MYO16: variants seen among roughly 807,000 people sequenced by gnomAD.
MYO16 encodes the protein myosin XVI.
In MYO16, 94 loss-of-function variants were observed where a neutral mutation model predicts 205.3. The ratio of observed to expected loss-of-function variants is 0.46; its 90% CI spans 0.39 to 0.54. MYO16 has a LOEUF of 0.54. Among genes scored for constraint, MYO16 ranks in the 20% least tolerant of loss-of-function variants. The probability of loss-of-function intolerance (pLI) is 0.00; values close to 1 mark genes in which losing one functional copy is unlikely to be tolerated. For missense variants in MYO16, 2,315 were observed against 2,387.5 expected, an observed-to-expected ratio of 0.97 and a Z score of 0.63; for synonymous variants, 988 against 954.0, an observed-to-expected ratio of 1.04 and a Z score of -0.66.
chr13:108,624,455 C>A (rs1879657051), intron 1 of MYO16, among the ~76,000 whole-genome samples: 1 of 152,128 alleles, frequency 6.6e-6, no homozygotes, highest in Non-Finnish European at 1.5e-5. Context: ...TGCACATAAA[C>A]CTAGGTAGAG....
intron 28 of MYO16, among the ~76,000 whole-genome samples, chr13:109,102,789 A>T (rs1203438912): frequency 6.6e-6 from 1 of 152,172 alleles, no homozygotes; most frequent in Non-Finnish European, 1.5e-5. Context: ...GGATAGCATT[A>T]AATTGAAACA....
At chr13:109,100,471 G>C (rs1248222378) in intron 27 of MYO16, among the ~76,000 whole-genome samples, 3 of 152,158 alleles carry the variant, frequency 2.0e-5, no homozygotes, top group Non-Finnish European at 4.4e-5. Flanking sequence ...TTTAAAAATG[G>C]CTACTGGATT....
At position 108,700,349 on chromosome 13, in the gene MYO16, AAG is replaced by A. The variant is rs1447384876; in HGVS notation, c.293-12310_293-12309del. ...CTCTGTCTCAAAAAAAAAAAAAAAAAAGAAGAAGAAGAAGAAGAAGAAGGATT... is the reference window on the plus strand; with the variant it reads ...CTCTGTCTCAAAAAAAAAAAAAAAAAAAGAAGAAGAAGAAGAAGAAGGATT... On this transcript the variant is annotated intron_variant, in intron 2 of 34. Coordinates refer to ENST00000457511, the MANE Select transcript of MYO16 (RefSeq NM_001198950.3). Among the ~76,000 whole-genome samples, 8 of 110,998 alleles carry A rather than the reference AAG, an allele frequency of 7.2e-5. No homozygotes were observed. The South Asian group carries it at 1.3e-3, about 17-fold the overall frequency. The allele number at this position is 110,998 out of a possible 152,430, so 72.8% of individuals were successfully genotyped here.
intron 16 of MYO16, 54 bp from the exon 17 acceptor site, chr13:108,957,634 C>A: frequency 7.9e-7 from 1 of 1,273,710 alleles, no homozygotes. Flanking sequence ...CTTTTAACCA[C>A]AGAAGTCTGA....
chr13:108,796,065 A>G (rs897995299), intron 6 of MYO16, among the ~76,000 whole-genome samples: 12 of 152,336 alleles, frequency 7.9e-5, no homozygotes, highest in African/African-American at 2.4e-4. Context: ...CATATGGCTG[A>G]AGCAGTGTCA....
At chr13:109,027,810 A>C (rs1204509566) in intron 23 of MYO16, among the ~76,000 whole-genome samples, 1 of 152,204 alleles carries the variant, frequency 6.6e-6, no homozygotes, top group African/African-American at 2.4e-5. Flanking sequence ...TCTTCAGTGC[A>C]GGAATACAAC....
chr13:108,765,324 AT>A (rs1885744370), intron 4 of MYO16, among the ~76,000 whole-genome samples: 1 of 152,164 alleles, frequency 6.6e-6, no homozygotes, highest in African/African-American at 2.4e-5. Flanking sequence ...TTCTAATGAT[AT>A]TACACTATTC....
the MYO16 span, among the ~76,000 whole-genome samples, chr13:108,549,165 A>G: frequency 1.3e-5 from 2 of 152,194 alleles, no homozygotes; most frequent in African/African-American, 4.8e-5. Context: ...ATTACTTCAC[A>G]TTGCAAAGGT....
chr13:108,553,077 G>A, the MYO16 span, among the ~76,000 whole-genome samples: 1 of 120,962 alleles, frequency 8.3e-6, no homozygotes, highest in Non-Finnish European at 1.6e-5. Flanking sequence ...GGAGTGCAGT[G>A]GCCCAATGTC....
rs145805769 is a variant in MYO16, at chr13:108,932,866, G to C, written c.1925+22716G>C. 3.8e-3 allele frequency among the ~76,000 whole-genome samples: 578 copies of C among 152,230 alleles called. 5 individuals carry two copies. The highest frequency in any genetic ancestry group is 0.012 in the African/African-American group (508 of 41,540). ...AGTTCCCACAGACACTGAGAATCAG[G>C]TGGCAGTCTGTGGGGGGCCCATGGA... On this transcript the variant is annotated intron_variant, in intron 16 of 34. Coordinates refer to ENST00000457511, the MANE Select transcript of MYO16 (RefSeq NM_001198950.3).
chr13:109,040,315 A>G (rs192480748), intron 23 of MYO16, among the ~76,000 whole-genome samples: 35 of 151,654 alleles, frequency 2.3e-4, no homozygotes, highest in Admixed American at 2.0e-3. Context: ...AATTCATTTG[A>G]TAAAGCAAGT....
rs571581385 is a variant in MYO16, at chr13:108,665,443, C to T, written c.29-443C>T. On this transcript the variant is annotated intron_variant, in intron 1 of 34. Coordinates refer to ENST00000457511, the MANE Select transcript of MYO16 (RefSeq NM_001198950.3). The stretch of plus-strand genomic sequence containing the variant: ...ATATTCTATTACCTTAAATTAACAG[C>T]GTCATGATTAGTCATCATGATACGC... 1.8e-4 allele frequency among the ~76,000 whole-genome samples: 27 copies of T among 152,094 alleles called. No homozygotes were observed. In the South Asian group the frequency reaches 5.0e-3, roughly 28 times the overall value.
At chr13:109,126,377 G>A (rs1182319430) in intron 30 of MYO16, among the ~76,000 whole-genome samples, 1 of 152,182 alleles carries the variant, frequency 6.6e-6, no homozygotes, top group African/African-American at 2.4e-5. Context: ...CCCTGTTGGT[G>A]TTCTGCCACA....
intron 1 of MYO16, among the ~76,000 whole-genome samples, chr13:108,636,094 T>G (rs1414575115): frequency 1.3e-5 from 2 of 152,062 alleles, no homozygotes; most frequent in South Asian, 4.1e-4. Flanking sequence ...GAATTGAAAT[T>G]TGCTTTTGTC....
intron 6 of MYO16, among the ~76,000 whole-genome samples, chr13:108,804,135 C>T (rs1594306913): frequency 6.6e-6 from 1 of 152,276 alleles, no homozygotes. Context: ...CTCTAAACCA[C>T]TGCTTCTCCA....
chr13:109,199,759 C>A (rs1438787649), intron 34 of MYO16, among the ~76,000 whole-genome samples: 3 of 152,088 alleles, frequency 2.0e-5, no homozygotes, highest in Admixed American at 6.6e-5. Context: ...CTTTTTGTTA[C>A]AAAATCACTA....
chr13:108,948,520 G>A (rs1401080972), intron 16 of MYO16, among the ~76,000 whole-genome samples: 1 of 152,208 alleles, frequency 6.6e-6, no homozygotes, highest in Non-Finnish European at 1.5e-5. Context: ...CTGCTGAGTG[G>A]GGCCACACCT....
At chr13:109,136,823 TTTTTTG>T (rs3042872) in intron 31 of MYO16, among the ~76,000 whole-genome samples, 3 of 151,990 alleles carry the variant, frequency 2.0e-5, no homozygotes, top group Non-Finnish European at 4.4e-5. Context: ...AGTTTAAGGT[TTTTTTG>T]TTTTTGTTTT....
intron 25 of MYO16, among the ~76,000 whole-genome samples, 188 bp downstream of exon 25, chr13:109,052,663 C>T (rs1443075475): frequency 6.6e-6 from 1 of 151,982 alleles, no homozygotes; most frequent in Non-Finnish European, 1.5e-5. Flanking sequence ...GAAGGTGCAG[C>T]AGAGTGACAA....
Sources: gnomAD v4.1 joint callset for allele counts (sites outside exome capture counted in the v4.1 genomes callset) on GRCh38, gnomAD v4.1.1 for gene constraint, MANE v1.5 for transcripts, NCBI Gene and HGNC (gene_info 2026-07-23, HGNC 2026-07-21) for gene names.